Variants in DHX35 observed in about 807,000 individuals in gnomAD.
The protein encoded by DHX35 is DEAH-box helicase 35.
Under a neutral mutation model 99.6 loss-of-function variants are expected in DHX35, and 84 were observed. The observed-to-expected ratio is 0.84, with a 90% confidence interval of 0.71 to 1.01. The LOEUF (loss-of-function observed/expected upper bound fraction) is 1.01. Ranked by LOEUF, DHX35 falls within the 50% of genes least tolerant of loss-of-function variation. The pLI is 0.00. For missense variants in DHX35, 852 were observed against 888.5 expected, an observed-to-expected ratio of 0.96 and a Z score of 0.52; for synonymous variants, 331 against 316.2, an observed-to-expected ratio of 1.05 and a Z score of -0.50.
At chr20:39,003,530 T>TA (rs2086558653) in intron 10 of DHX35, among the ~76,000 whole-genome samples, 1 of 152,236 alleles carries the variant, frequency 6.6e-6, no homozygotes, top group Non-Finnish European at 1.5e-5. Flanking sequence ...ACCGAGTTTT[T>TA]AGTAACTAAT....
At chr20:38,973,800 A>G (rs954263631) in intron 3 of DHX35, among the ~76,000 whole-genome samples, 12 of 152,352 alleles carry the variant, frequency 7.9e-5, no homozygotes, top group Non-Finnish European at 1.3e-4. Flanking sequence ...GCTACCACAC[A>G]GGGTTGAACA....
Position 39,010,487 on chromosome 20 carries a change from A to T in DHX35, c.1347+83A>T, listed in dbSNP as rs148064954. 138 of 1,550,752 alleles carry T rather than the reference A, an allele frequency of 8.9e-5. No individual in the cohort carries two copies. In the East Asian group the frequency reaches 3.2e-3, roughly 35 times the overall value. ...TCAGGACATTGTCGTAGGGCATGCCATCTTTCCTTTTTTTCCCTACTCAGG... is the reference window on the plus strand; with the variant it reads ...TCAGGACATTGTCGTAGGGCATGCCTTCTTTCCTTTTTTTCCCTACTCAGG... On this transcript the variant is annotated intron_variant, in intron 13 of 21. Coordinates refer to ENST00000252011, the MANE Select transcript of DHX35 (RefSeq NM_021931.4).
At chr20:39,021,794 G>A (rs759208608) in intron 15 of DHX35, 47 bp from the exon 16 acceptor site, 24 of 1,574,000 alleles carry the variant, frequency 1.5e-5, no homozygotes, top group Non-Finnish European at 2.1e-5. Flanking sequence ...TTCACTTCTT[G>A]TTGGCACATT....
chr20:39,026,126 C>G (rs1407277808), intron 18 of DHX35, among the ~76,000 whole-genome samples: 1 of 152,172 alleles, frequency 6.6e-6, no homozygotes, highest in East Asian at 1.9e-4. Flanking sequence ...TCAGCCACAT[C>G]CTCAGCACCA....
intron 7 of DHX35, 125 bp downstream of exon 7, chr20:38,992,550 C>G (rs1220254020): frequency 2.3e-6 from 2 of 873,364 alleles, no homozygotes; most frequent in Non-Finnish European, 3.8e-6. Context: ...ATCCATAATC[C>G]TACCCATTCA....
chr20:39,038,406 A>G (rs1210245686), intron 21 of DHX35, 93 bp from the exon 22 acceptor site: 9 of 1,372,518 alleles, frequency 6.6e-6, no homozygotes, highest in Non-Finnish European at 9.3e-6. Flanking sequence ...ACCAGATGGA[A>G]GATTTGATGT....
chr20:39,022,006 A>G, intron 16 of DHX35, 71 bp downstream of exon 16: 1 of 1,436,290 alleles, frequency 7.0e-7, no homozygotes, highest in African/African-American at 1.4e-5. Context: ...TCAAAACTGT[A>G]CTCAGGAACT....
At chr20:38,966,771 T>C (rs2085918221) in intron 1 of DHX35, among the ~76,000 whole-genome samples, 1 of 152,268 alleles carries the variant, frequency 6.6e-6, no homozygotes, top group South Asian at 2.1e-4. Context: ...AGAGAGGATA[T>C]GAAGGTTTAA....
intron 13 of DHX35, among the ~76,000 whole-genome samples, chr20:39,011,359 A>G (rs544784190): frequency 3.3e-5 from 5 of 151,710 alleles, no homozygotes; most frequent in African/African-American, 7.3e-5. Context: ...ATTTTCTGAG[A>G]CAGTCTCACT....
Position 39,025,871 on chromosome 20 carries a change from G to C in DHX35, c.1801+512G>C, listed in dbSNP as rs140830101. Among the ~76,000 whole-genome samples the C allele has an allele frequency of 2.0e-5, 3 of 152,344 alleles. No individual in the cohort carries two copies. In the East Asian group the frequency reaches 5.8e-4, roughly 29 times the overall value. ...ACTACTATTAATCAGGGACACAGTA[G>C]GTTACGCTGTGGCAGGGGTTCTCCA... On this transcript the variant is annotated intron_variant, in intron 18 of 21. Coordinates refer to ENST00000252011, the MANE Select transcript of DHX35 (RefSeq NM_021931.4).
intron 16 of DHX35, 146 bp downstream of exon 16, chr20:39,022,081 T>C: frequency 1.5e-6 from 1 of 668,830 alleles, no homozygotes; most frequent in South Asian, 2.6e-5. Context: ...GTGCTTGATG[T>C]TGTGTCAGGT....
chr20:39,038,751 C>A lies in DHX35; in HGVS notation c.*208C>A. 6.7e-6 allele frequency: 4 copies of A among 600,458 alleles called. No individual in the cohort carries two copies. The highest frequency in any genetic ancestry group is 2.9e-6 in the Non-Finnish European group (1 of 339,364). 37.2% of individuals were successfully genotyped at this position (600,458 alleles called of 1,614,324 possible). A position where few individuals can be genotyped will look rare whatever the true frequency, so the allele number is the denominator to read the frequency against. ...GATCCTGGAGGACTTTGTGCATGGG[C>A]AGGCATCCTTCTGTGCTGCAGCGGG... On this transcript the variant is annotated 3_prime_UTR_variant, in exon 22 of 22. Coordinates refer to ENST00000252011, the MANE Select transcript of DHX35 (RefSeq NM_021931.4).
At chr20:39,006,124 C>A in intron 11 of DHX35, 22 bp from the exon 12 acceptor site, 1 of 1,600,696 alleles carries the variant, frequency 6.2e-7, no homozygotes, top group African/African-American at 1.3e-5. Context: ...GAGTTTTATT[C>A]TTCTTTCTGT....
At position 39,001,842 on chromosome 20, in the gene DHX35, G is replaced by A; in HGVS notation, c.755G>A (p.Ser252Asn). The A allele has an allele frequency of 6.2e-7, 1 of 1,603,342 alleles. No individual in the cohort carries two copies. The highest frequency in any genetic ancestry group is 1.7e-4 in the Middle Eastern group (1 of 6,046). ...TFPVDIFYLQ[S>N]PVPDYIKSTV... ...CCGGTGGATATCTTTTATCTACAAA[G>A]GTTTGATGATGCTTGAATTCTGGAT... is the stretch of plus-strand genomic sequence containing the variant. The change falls in exon 9 of 22, where the codon AGT (serine) becomes AAT (asparagine). Residue 252 changes from serine (S) to asparagine (N), a missense_variant and splice_region_variant. By Grantham distance (46) the Ser-to-Asn change is conservative. Transcript: ENST00000252011.
chr20:38,997,834 G>T (rs143217439), intron 8 of DHX35, among the ~76,000 whole-genome samples: 1 of 152,202 alleles, frequency 6.6e-6, no homozygotes, highest in Non-Finnish European at 1.5e-5. Flanking sequence ...GGAGTGGCAG[G>T]GGGGTTGGGT....
chr20:38,992,925 A>C (rs2086363120), intron 7 of DHX35, among the ~76,000 whole-genome samples: 1 of 152,132 alleles, frequency 6.6e-6, no homozygotes, highest in Admixed American at 6.5e-5. Context: ...ATTTTCTTTA[A>C]CTTTTTATTA....
chr20:38,983,569 A>G, intron 3 of DHX35, 130 bp from the exon 4 acceptor site: 1 of 641,960 alleles, frequency 1.6e-6, no homozygotes, highest in Non-Finnish European at 2.6e-6. Context: ...ATAATTCCCA[A>G]AGTTCTGCTG....
At chr20:38,984,808 C>T (rs2086225682) in intron 4 of DHX35, among the ~76,000 whole-genome samples, 2 of 151,870 alleles carry the variant, frequency 1.3e-5, no homozygotes, top group South Asian at 4.1e-4. Context: ...ATTCATTACT[C>T]ATCATTAGTT....
intron 3 of DHX35, among the ~76,000 whole-genome samples, chr20:38,973,587 A>G (rs761303298): frequency 2.0e-5 from 3 of 152,258 alleles, no homozygotes; most frequent in Non-Finnish European, 4.4e-5. Context: ...AAGGAATAAT[A>G]TAGCTGCTTT....
Sources: allele counts gnomAD v4.1 joint callset (sites outside exome capture counted in the v4.1 genomes callset), GRCh38; gene constraint gnomAD v4.1.1; transcripts MANE v1.5; gene names NCBI Gene and HGNC (gene_info 2026-07-23, HGNC 2026-07-21).